PCDHGA4: variants seen among roughly 807,000 people sequenced by gnomAD.
PCDHGA4 encodes the protein protocadherin gamma-A4.
A neutral mutation model predicts 54.6 loss-of-function variants in PCDHGA4; 38 were observed. The ratio of observed to expected loss-of-function variants is 0.70; its 90% CI spans 0.54 to 0.91. The LOEUF (loss-of-function observed/expected upper bound fraction) is 0.91. PCDHGA4 is among the 40% of genes least tolerant of loss of function. The probability of loss-of-function intolerance (pLI) is 0.00; values close to 1 mark genes in which losing one functional copy is unlikely to be tolerated. For synonymous variants in PCDHGA4, 511 were observed against 512.9 expected, an observed-to-expected ratio of 1.00 and a Z score of 0.05; for missense variants, 1,298 against 1,220.9, an observed-to-expected ratio of 1.06 and a Z score of -0.94.
At position 141,431,427 on chromosome 5, in the gene PCDHGA4, C is replaced by G. The variant is rs1269666597; in HGVS notation, c.2515-63380C>G. The stretch of plus-strand genomic sequence containing the variant: ...TCCGACGGGGGCGACCCGGTGCGCA[C>G]AGGCACCGCGCGCATCCGCGTGATG... On this transcript the variant is annotated intron_variant, in intron 1 of 3. Transcript: ENST00000571252. The surrounding 1 kb of genome is among the most constrained non-coding windows in gnomAD (Gnocchi z 4.8). 1.2e-6 allele frequency: 2 copies of G among 1,613,584 alleles called. No homozygotes were observed.
intron 1 of PCDHGA4, chr5:141,384,146 C>T (rs369384722): frequency 6.2e-7 from 1 of 1,613,048 alleles, no homozygotes; most frequent in African/African-American, 1.3e-5. Context: ...GAAACACTCT[C>T]TTTGTATAAC....
rs561329093 is a variant in PCDHGA4 at position 141,509,163 on chromosome 5, C to A, written c.2663-1784C>A. Among the ~76,000 whole-genome samples the A allele has an allele frequency of 1.4e-4, 21 of 152,322 alleles. No individual in the cohort carries two copies. In the South Asian group the frequency reaches 4.1e-3, roughly 30 times the overall value. On this transcript the variant is annotated intron_variant, in intron 3 of 3. Coordinates refer to ENST00000571252, the MANE Select transcript of PCDHGA4 (RefSeq NM_018917.4). ...CATCCCGGCTCTCCCCTCCCGTGTG[C>A]CCTCCTCCTCTTATGCCGGCTTGAA...
chr5:141,480,065 A>G (rs2099511928), intron 1 of PCDHGA4, among the ~76,000 whole-genome samples: 1 of 152,220 alleles, frequency 6.6e-6, no homozygotes, highest in Non-Finnish European at 1.5e-5. Flanking sequence ...TAAGTGTTTT[A>G]TAAGATTCAT....
In PCDHGA4 at chr5:141,355,731, C is replaced by T; in HGVS notation, c.624C>T (p.Tyr208=). ...GTTACCAGCTCAACTCAAACGGTTA[C>T]TTTTCCCTGGACGTGCAAAGTGGGG... is the stretch of plus-strand genomic sequence containing the variant. ...LQGYQLNSNG[Y]FSLDVQSGAD... The change falls in exon 1 of 4, where the codon TAC becomes TAT. Residue 208 remains tyrosine (Y), a synonymous_variant. Coordinates refer to ENST00000571252, the MANE Select transcript of PCDHGA4 (RefSeq NM_018917.4). The T allele has an allele frequency of 6.2e-7, 1 of 1,614,004 alleles. No homozygotes were observed. Among genetic ancestry groups the T allele is most frequent in the Non-Finnish European group, 8.5e-7 (1 of 1,179,892 alleles).
At position 141,489,800 on chromosome 5, in the gene PCDHGA4, A is replaced by T. The variant is rs2099692478; in HGVS notation, c.2515-5007A>T. 1 of 1,614,166 alleles carries T rather than the reference A, an allele frequency of 6.2e-7. No homozygotes were observed. Among genetic ancestry groups the T allele is most frequent in the Non-Finnish European group, 8.5e-7 (1 of 1,179,994 alleles). On this transcript the variant is annotated intron_variant, in intron 1 of 3. Coordinates refer to ENST00000571252, the MANE Select transcript of PCDHGA4 (RefSeq NM_018917.4). This position sits in a 1 kb window ranked among gnomAD's most constrained non-coding sequence, Gnocchi z 4.5. ...TCTCTGAATGTGAAGACCCTAAAAG[A>T]TGGGAAGCCATTCCCAGAGCTGGTG...
rs112808093 is a variant in PCDHGA4, at chr5:141,489,579, C to T, written c.2515-5228C>T. On this transcript the variant is annotated intron_variant, in intron 1 of 3. Transcript: ENST00000571252. The surrounding 1 kb of genome is among the most constrained non-coding windows in gnomAD (Gnocchi z 4.5). ...CAGTGCAGGTGGTGACTGAACACCC[C>T]CTGGAGCTAATCCGTGTAGAGGTAG... is the stretch of plus-strand genomic sequence containing the variant. 211 of 1,614,038 alleles carry T rather than the reference C, an allele frequency of 1.3e-4. 1 individual carries two copies. In the African/African-American group the frequency reaches 1.7e-3, roughly 13 times the overall value.
chr5:141,409,198 A>T, intron 1 of PCDHGA4: 1 of 1,614,010 alleles, frequency 6.2e-7, no homozygotes, highest in South Asian at 1.1e-5. Flanking sequence ...CCCAGTGTAA[A>T]GTAATCATAG....
rs1444244130 is a variant in PCDHGA4 at position 141,433,401 on chromosome 5, A to ATCTATCTC, written c.2515-61401_2515-61400insCTCTCTAT. The stretch of plus-strand genomic sequence containing the variant: ...TATCTATCTATCTATCTATCTATCT[A>ATCTATCTC]TCTATTACTTTCTTGTACAGACAGG... On this transcript the variant is annotated intron_variant, in intron 1 of 3. Transcript: ENST00000571252. Among the ~76,000 whole-genome samples, 100 of 150,598 alleles carry ATCTATCTC rather than the reference A, an allele frequency of 6.6e-4. 1 individual carries two copies. Among genetic ancestry groups the ATCTATCTC allele is most frequent in the African/African-American group, 2.4e-3 (100 of 40,958 alleles).
intron 1 of PCDHGA4, chr5:141,372,300 GAGGCCGCCCGCC>G (rs769286346): frequency 1.2e-6 from 2 of 1,613,366 alleles, no homozygotes; most frequent in Non-Finnish European, 1.7e-6. Flanking sequence ...GGGCGACAGG[GAGGCCGCCCGCC>G]AGCGCCTGCT....
At position 141,414,031 on chromosome 5, in the gene PCDHGA4, C is replaced by G. The variant is rs900884760; in HGVS notation, c.2514+56410C>G. The G allele has an allele frequency of 1.2e-6, 2 of 1,611,740 alleles. No homozygotes were observed. The highest frequency in any genetic ancestry group is 2.7e-5 in the African/African-American group (2 of 74,762). On this transcript the variant is annotated intron_variant, in intron 1 of 3. Coordinates refer to ENST00000571252, the MANE Select transcript of PCDHGA4 (RefSeq NM_018917.4). ...CAATGGAGAAGTGACATATTCATTC[C>G]GAAAATTACCTGACACGCAATTGTT... is the stretch of plus-strand genomic sequence containing the variant.
intron 1 of PCDHGA4, chr5:141,399,868 G>A (rs1410554488): frequency 6.2e-7 from 1 of 1,612,710 alleles, no homozygotes; most frequent in African/African-American, 1.3e-5. Flanking sequence ...TGCAGAGCCC[G>A]GCTACCTGGT....
At chr5:141,394,028 G>A (rs758413971) in intron 1 of PCDHGA4, 1 of 1,613,454 alleles carries the variant, frequency 6.2e-7, no homozygotes, top group Admixed American at 1.7e-5. Flanking sequence ...ATAGATTAGT[G>A]ACAAGGAAAT....
chr5:141,422,027 C>A, intron 1 of PCDHGA4: 1 of 1,610,650 alleles, frequency 6.2e-7, no homozygotes, highest in Non-Finnish European at 8.5e-7. Context: ...ATGGTTAATG[C>A]AACGGATCCA....
intron 1 of PCDHGA4, chr5:141,371,298 A>G (rs1767641174): frequency 6.2e-7 from 1 of 1,614,018 alleles, no homozygotes; most frequent in Non-Finnish European, 8.5e-7. Context: ...GGGGGAACTC[A>G]CCACTATTGG....
At position 141,389,870 on chromosome 5, in the gene PCDHGA4, C is replaced by T. The variant is rs1395147259; in HGVS notation, c.2514+32249C>T. On this transcript the variant is annotated intron_variant, in intron 1 of 3. Transcript: ENST00000571252. ...CCACTGCCACGTTGCACCTGGTCTT[C>T]GCCGACAGCTTGCAGGAGGTGCTGC... is the stretch of plus-strand genomic sequence containing the variant. The T allele has an allele frequency of 2.5e-6, 4 of 1,613,960 alleles. No individual in the cohort carries two copies. The South Asian group carries it at 3.3e-5, about 13-fold the overall frequency.
At chr5:141,499,399 C>A (rs2099791676) in intron 2 of PCDHGA4, among the ~76,000 whole-genome samples, 1 of 152,072 alleles carries the variant, frequency 6.6e-6, no homozygotes, top group Non-Finnish European at 1.5e-5. Flanking sequence ...ATAGTACATG[C>A]TCATTATAGA....
intron 1 of PCDHGA4, among the ~76,000 whole-genome samples, chr5:141,363,216 T>A (rs1186029128): frequency 6.6e-6 from 1 of 152,230 alleles, no homozygotes; most frequent in African/African-American, 2.4e-5. Context: ...TTGAGAAAAA[T>A]CTTACAACCT....
chr5:141,395,221 A>G, intron 1 of PCDHGA4: 1 of 1,611,672 alleles, frequency 6.2e-7, no homozygotes, highest in Non-Finnish European at 8.5e-7. Context: ...TATAAGAATG[A>G]AGCTGATCAT....
In PCDHGA4 at chr5:141,360,565, G is replaced by A. The variant is rs180935383; in HGVS notation, c.2514+2944G>A. On this transcript the variant is annotated intron_variant, in intron 1 of 3. Coordinates refer to ENST00000571252, the MANE Select transcript of PCDHGA4 (RefSeq NM_018917.4). Reference sequence around the variant, plus strand: ...GACTAAGATTAATTTAAAAATTGGCGAATCCACTAAGCCAGGTACAACATT... The same window carrying A: ...GACTAAGATTAATTTAAAAATTGGCAAATCCACTAAGCCAGGTACAACATT... 1.0e-4 allele frequency: 167 copies of A among 1,613,896 alleles called. No homozygotes were observed. The African/African-American group carries it at 1.9e-3, about 18-fold the overall frequency.
Sources: gnomAD v4.1 joint callset for allele counts (sites outside exome capture counted in the v4.1 genomes callset) on GRCh38, gnomAD v4.1.1 for gene constraint, Gnocchi (gnomAD v3.1) non-coding constraint, MANE v1.5 for transcripts, NCBI Gene and HGNC (gene_info 2026-07-23, HGNC 2026-07-21) for gene names.